The following THRB variants were observed in gnomAD, a reference collection of about 807,000 sequenced individuals.
The protein encoded by THRB is thyroid hormone receptor beta.
In THRB, 12 loss-of-function variants were observed where a neutral mutation model predicts 47.8. The observed-to-expected ratio is 0.25, with a 90% confidence interval of 0.16 to 0.41. The LOEUF is 0.41. Ranked by LOEUF, THRB falls within the 10% of genes least tolerant of loss-of-function variation. THRB has a pLI of 1.00. For synonymous variants in THRB, 218 were observed against 212.2 expected, an observed-to-expected ratio of 1.03 and a Z score of -0.24; for missense variants, 348 against 589.2, an observed-to-expected ratio of 0.59 and a Z score of 4.24.
chr3:24,398,061 G>C (rs1391863965), intron 1 of THRB, among the ~76,000 whole-genome samples: 1 of 152,052 alleles, frequency 6.6e-6, no homozygotes, highest in East Asian at 1.9e-4. Flanking sequence ...TACTATAACT[G>C]CTTATGTATC....
At chr3:24,431,860 C>T (rs2070457099) in intron 1 of THRB, among the ~76,000 whole-genome samples, 1 of 151,868 alleles carries the variant, frequency 6.6e-6, no homozygotes. Flanking sequence ...CTTAGAAATA[C>T]AAATATGAAT....
At chr3:24,324,093 C>A (rs1452824860) in intron 2 of THRB, among the ~76,000 whole-genome samples, 3 of 152,208 alleles carry the variant, frequency 2.0e-5, no homozygotes, top group Admixed American at 2.0e-4. Context: ...CTGCCTCAGT[C>A]TCACCCCACG....
chr3:24,191,069 T>C (rs2149607341), intron 4 of THRB, among the ~76,000 whole-genome samples: 1 of 151,938 alleles, frequency 6.6e-6, no homozygotes, highest in Non-Finnish European at 1.5e-5. Context: ...TAATTATTTA[T>C]GTATATTATA....
At chr3:24,151,717 G>A (rs761333503) in intron 6 of THRB, among the ~76,000 whole-genome samples, 3 of 152,184 alleles carry the variant, frequency 2.0e-5, no homozygotes, top group Non-Finnish European at 2.9e-5. Context: ...ATGAAGTCTT[G>A]TAAGTAGGCC....
intron 2 of THRB, among the ~76,000 whole-genome samples, chr3:24,327,268 C>T (rs918414545): frequency 1.2e-4 from 18 of 147,810 alleles, no homozygotes; most frequent in Admixed American, 2.0e-4. Flanking sequence ...CCCCCCCCAC[C>T]GCCACCCTCA....
At chr3:24,170,389 C>T (rs1295204269) in intron 5 of THRB, among the ~76,000 whole-genome samples, 2 of 152,152 alleles carry the variant, frequency 1.3e-5, no homozygotes, top group African/African-American at 4.8e-5. Context: ...CTTTGGCCCA[C>T]TTTAATATTT....
Position 24,143,630 on chromosome 3 carries a change from C to T in THRB, c.609G>A (p.Glu203=), listed in dbSNP as rs778097554. The T allele has an allele frequency of 1.2e-6, 2 of 1,614,202 alleles. No homozygotes were observed. Among genetic ancestry groups the T allele is most frequent in the South Asian group, 2.2e-5 (2 of 91,080 alleles). ...EENREKRRRE[E]LQKSIGHKPE... is the part of the protein sequence containing the mutation. ...GCTTGTGCCCGATGGACTTCTGCAG[C>T]TCTTCCCGCCGTCTTTTCTCCCGGT... The change falls in exon 8 of 11, where the codon GAG becomes GAA. Residue 203 remains glutamate, a synonymous_variant. Transcript: ENST00000646209.
At chr3:24,284,965 C>T (rs1432151432) in intron 3 of THRB, among the ~76,000 whole-genome samples, 9 of 152,064 alleles carry the variant, frequency 5.9e-5, no homozygotes, top group Admixed American at 3.3e-4. Context: ...GAAATAGGAA[C>T]ACTTTTACAC....
chr3:24,330,115 C>T (rs533284526), intron 2 of THRB, among the ~76,000 whole-genome samples: 3 of 151,982 alleles, frequency 2.0e-5, no homozygotes, highest in African/African-American at 7.2e-5. Context: ...ACCATCCTGG[C>T]TAACAAGGTG....
At chr3:24,364,399 G>A (rs1425462406) in intron 1 of THRB, among the ~76,000 whole-genome samples, 1 of 152,074 alleles carries the variant, frequency 6.6e-6, no homozygotes, top group Admixed American at 6.6e-5. Flanking sequence ...TATATGTCAG[G>A]CACTTTATAT....
At chr3:24,441,519 T>C (rs1362841861) in intron 1 of THRB, among the ~76,000 whole-genome samples, 1 of 152,156 alleles carries the variant, frequency 6.6e-6, no homozygotes, top group East Asian at 1.9e-4. Context: ...TTTGGGGAGG[T>C]ACAAGAAAAT....
rs369021019 is a variant in THRB, at chr3:24,206,213, A to G, written c.23-15879T>C. 2.4e-3 allele frequency among the ~76,000 whole-genome samples: 366 copies of G among 152,334 alleles called. 5 individuals are homozygous for G. The East Asian group carries it at 0.031, about 13-fold the overall frequency. On this transcript the variant is annotated intron_variant, in intron 4 of 10. Coordinates refer to ENST00000646209, the MANE Select transcript of THRB (RefSeq NM_001354712.2). ...CAGAATATACATTCTTCTCAGCACC[A>G]CATCACACTTATTCTAAAATTGACC...
intron 4 of THRB, among the ~76,000 whole-genome samples, chr3:24,206,741 T>G (rs1006260470): frequency 6.6e-6 from 1 of 151,838 alleles, no homozygotes; most frequent in African/African-American, 2.4e-5. Flanking sequence ...TCAACAAAAT[T>G]GATAGACTTC....
At chr3:24,141,668 T>G (rs1206008777) in intron 8 of THRB, among the ~76,000 whole-genome samples, 1 of 152,258 alleles carries the variant, frequency 6.6e-6, no homozygotes, top group African/African-American at 2.4e-5. Context: ...TATGACTACT[T>G]AAACAAGTTT....
At chr3:24,135,278 G>T (rs1384143965) in intron 8 of THRB, among the ~76,000 whole-genome samples, 1 of 152,198 alleles carries the variant, frequency 6.6e-6, no homozygotes, top group East Asian at 1.9e-4. Flanking sequence ...GAGCACCAGG[G>T]TCAACAGGAG....
At chr3:24,295,141 G>A (rs976992531) in intron 3 of THRB, among the ~76,000 whole-genome samples, 1 of 152,188 alleles carries the variant, frequency 6.6e-6, no homozygotes, top group African/African-American at 2.4e-5. Context: ...AACGGGGGCT[G>A]ATATTCTTTA....
chr3:24,173,946 G>A (rs746010663), intron 5 of THRB, among the ~76,000 whole-genome samples: 6 of 152,160 alleles, frequency 3.9e-5, no homozygotes, highest in Admixed American at 6.5e-5. Flanking sequence ...GTCAGATTCT[G>A]TGTTGGGTGT....
chr3:24,395,614 A>T (rs2066898205), intron 1 of THRB, among the ~76,000 whole-genome samples: 1 of 152,108 alleles, frequency 6.6e-6, no homozygotes, highest in Non-Finnish European at 1.5e-5. Context: ...AGATAAAAAC[A>T]AGTGTTGGCA....
chr3:24,394,925 T>A (rs2066843077), intron 1 of THRB, among the ~76,000 whole-genome samples: 1 of 152,142 alleles, frequency 6.6e-6, no homozygotes, highest in Non-Finnish European at 1.5e-5. Context: ...TATACCAGTG[T>A]ATAGACACTC....
Sources: allele counts gnomAD v4.1 joint callset (sites outside exome capture counted in the v4.1 genomes callset), GRCh38; gene constraint gnomAD v4.1.1; transcripts MANE v1.5; gene names NCBI Gene and HGNC (gene_info 2026-07-23, HGNC 2026-07-21).